The following GNG8 variants were observed in gnomAD, a reference collection of about 807,000 sequenced individuals.
GNG8 encodes guanine nucleotide-binding protein G(I)/G(S)/G(O) subunit gamma-8.
In GNG8, 3 loss-of-function variants were observed where a neutral mutation model predicts 4.6. The observed-to-expected ratio is 0.65, with a 90% CI of 0.29 to 1.67. GNG8 has a LOEUF of 1.67. Among genes scored for constraint, GNG8 ranks in the 40% most tolerant of loss-of-function variants. The probability of loss-of-function intolerance (pLI) is 0.10; values close to 1 mark genes in which losing one functional copy is unlikely to be tolerated. For missense variants in GNG8, 88 were observed against 95.2 expected (o/e 0.92, Z 0.32); for synonymous variants, 32 against 40.5 (o/e 0.79, Z 0.80).
chr19:46,635,865 G>T (rs2052865275), intron 1 of GNG8, among the ~76,000 whole-genome samples: 1 of 148,348 alleles, frequency 6.7e-6, no homozygotes, highest in South Asian at 2.2e-4. Context: ...GAAGGGGGGA[G>T]GGAGGAAGGA....
chr19:46,634,146 G>C lies in GNG8; in HGVS notation c.143C>G (p.Pro48Arg), dbSNP rs779695929. ...AFCETHAKDDPLVTPVPAAEN... is the reference protein window; with the variant it reads ...AFCETHAKDDRLVTPVPAAEN... ...CGCGGCGGGTACTGGCGTCACCAGC[G>C]GGTCATCTTTGGCATGCGTCTCGCA... is the stretch of plus-strand genomic sequence containing the variant. The change falls in exon 3 of 3, where the codon CCG becomes CGG. Residue 48 changes from proline (P) to arginine (R), a missense_variant. Physicochemically the swap from Pro to Arg is moderately radical, Grantham distance 103 (BLOSUM62 -2). Coordinates refer to ENST00000693335, the MANE Select transcript of GNG8 (RefSeq NM_033258.2). The C allele has an allele frequency of 1.2e-6, 2 of 1,613,654 alleles. No homozygotes were observed. Among genetic ancestry groups the C allele is most frequent in the Non-Finnish European group, 1.7e-6 (2 of 1,179,970 alleles).
chr19:46,637,924 G>A (rs1416886043), upstream of GNG8: 1 of 147,872 alleles, frequency 6.8e-6, no homozygotes, highest in Non-Finnish European at 1.5e-5. Flanking sequence ...GCCATACACA[G>A]AGTGGCCAAC....
upstream of GNG8, among the ~76,000 whole-genome samples, chr19:46,636,497 A>T (rs896163801): frequency 3.3e-5 from 5 of 152,142 alleles, no homozygotes; most frequent in Admixed American, 6.5e-5. Context: ...AGTGTGTCCC[A>T]CAGAGCCGCT....
rs1435846088 is a variant in GNG8 at position 46,634,688 on chromosome 19, C to T, written c.-6G>A. On this transcript the variant is annotated 5_prime_UTR_variant, in exon 2 of 3. Coordinates refer to ENST00000693335, the MANE Select transcript of GNG8 (RefSeq NM_033258.2). ...TTGGCCATGTTGTTGGACATGGTTG[C>T]GGCGGGGAAGGGGTTAAAAGACGCG... The T allele has an allele frequency of 6.2e-7, 1 of 1,611,970 alleles. No homozygotes were observed. Among genetic ancestry groups the T allele is most frequent in the East Asian group, 2.2e-5 (1 of 44,832 alleles).
At chr19:46,638,424 C>G (rs2052881959), upstream of GNG8, 1 of 152,972 alleles carries the variant, frequency 6.5e-6, no homozygotes, top group East Asian at 1.9e-4. This position sits in a 1 kb window ranked among gnomAD's most constrained non-coding sequence, Gnocchi z 4.7. Flanking sequence ...TGGCAGTACA[C>G]ACTCATGGTG....
chr19:46,634,754 G>A lies in GNG8; in HGVS notation c.-43-29C>T, dbSNP rs1568686631. 8.6e-6 allele frequency: 11 copies of A among 1,276,060 alleles called. No homozygotes were observed. The Admixed American group carries it at 1.6e-4, about 19-fold the overall frequency. 79.0% of individuals were successfully genotyped at this position (1,276,060 alleles called of 1,614,324 possible). A position where few individuals can be genotyped will look rare whatever the true frequency, so the allele number is the denominator to read the frequency against. On this transcript the variant is annotated intron_variant, in intron 1 of 2. Transcript: ENST00000693335. ...TGGGGGTAGGTTAGGATACGTCTGG[G>A]TCCCGAGGTGGGGGCGAGAGGGCGG... is the stretch of plus-strand genomic sequence containing the variant.
At chr19:46,638,980 TA>T (rs1271210522), upstream of GNG8, 1 of 153,380 alleles carries the variant, frequency 6.5e-6, no homozygotes, top group Non-Finnish European at 1.4e-5. The surrounding 1 kb of genome is among the most constrained non-coding windows in gnomAD (Gnocchi z 4.7). Flanking sequence ...AGGAGCGAGC[TA>T]GGGACTCAGA....
In GNG8 at chr19:46,634,215, C is replaced by A; in HGVS notation, c.85-11G>T. On this transcript the variant is annotated splice_polypyrimidine_tract_variant and intron_variant, in intron 2 of 2. Coordinates refer to ENST00000693335, the MANE Select transcript of GNG8 (RefSeq NM_033258.2). ...TGCTGCCTGCGACACCTGCGAGCAC[C>A]CGGGTGGAGATGTCACCGCCCTGCC... The A allele has an allele frequency of 5.0e-6, 8 of 1,598,340 alleles. No homozygotes were observed. The highest frequency in any genetic ancestry group is 6.8e-6 in the Non-Finnish European group (8 of 1,172,684).
At chr19:46,638,140 G>C (rs1182091590), upstream of GNG8, 1 of 152,764 alleles carries the variant, frequency 6.5e-6, no homozygotes, top group Non-Finnish European at 1.5e-5. This position sits in a 1 kb window ranked among gnomAD's most constrained non-coding sequence, Gnocchi z 4.7. Flanking sequence ...CGTCACACAC[G>C]GTCTCTCACT....
rs1448620352 is a variant in GNG8 at position 46,634,117 on chromosome 19, T to C, written c.172A>G (p.Asn58Asp). 3 of 1,613,818 alleles carry C rather than the reference T, an allele frequency of 1.9e-6. No individual in the cohort carries two copies. In the Admixed American group the frequency reaches 5.0e-5, roughly 27 times the overall value. The change falls in exon 3 of 3, where the codon AAC becomes GAC. Residue 58 changes from asparagine (N) to aspartate (D), a missense_variant. Transcript: ENST00000693335. Reference sequence around the variant, plus strand: ...AAGAGGCGCTTGTCGCGGAAGGGGTTCTCCGCGGCGGGTACTGGCGTCACC... The same window carrying C: ...AAGAGGCGCTTGTCGCGGAAGGGGTCCTCCGCGGCGGGTACTGGCGTCACC... The part of the protein sequence containing the change: ...PLVTPVPAAE[N>D]PFRDKRLFCV...
At chr19:46,634,559 GC>G in intron 2 of GNG8, 39 bp downstream of exon 2, 1 of 1,559,330 alleles carries the variant, frequency 6.4e-7, no homozygotes, top group Non-Finnish European at 8.8e-7. Flanking sequence ...CAGACCGCAG[GC>G]CCAGAACCCC....
At chr19:46,638,559 TACACACTC>T (rs1022803998), upstream of GNG8, 1 of 153,180 alleles carries the variant, frequency 6.5e-6, no homozygotes, top group Non-Finnish European at 1.5e-5. The surrounding 1 kb of genome is among the most constrained non-coding windows in gnomAD (Gnocchi z 4.7). Flanking sequence ...ATCACGGCAG[TACACACTC>T]ACACACTCTC....
upstream of GNG8, among the ~76,000 whole-genome samples, chr19:46,636,359 GTC>G (rs2052869230): frequency 6.6e-6 from 1 of 152,042 alleles, no homozygotes. Flanking sequence ...CTCTCCCTGT[GTC>G]TCTGCCGCTG....
chr19:46,636,405 T>C (rs564266008), upstream of GNG8, among the ~76,000 whole-genome samples: 2 of 152,216 alleles, frequency 1.3e-5, no homozygotes, highest in South Asian at 4.2e-4. Context: ...TGTGCCTCTC[T>C]CACACTCACT....
At chr19:46,634,329 G>T in intron 2 of GNG8, 125 bp from the exon 3 acceptor site, 2 of 1,112,690 alleles carry the variant, frequency 1.8e-6, no homozygotes, top group Non-Finnish European at 2.4e-6. Flanking sequence ...CTTTCCCCTT[G>T]TCTTACTCCG....
chr19:46,638,871 G>A (rs2052884676), upstream of GNG8: 2 of 153,540 alleles, frequency 1.3e-5, no homozygotes, highest in African/African-American at 4.8e-5. This position sits in a 1 kb window ranked among gnomAD's most constrained non-coding sequence, Gnocchi z 4.7. Flanking sequence ...ACCGGAGGGA[G>A]AGGACAGAAG....
rs1308164330 is a variant in GNG8 at position 46,634,661 on chromosome 19, T to A, written c.22A>T (p.Ile8Phe). 6.2e-7 allele frequency: 1 copy of A among 1,612,882 alleles called. No individual in the cohort carries two copies. The highest frequency in any genetic ancestry group is 2.2e-5 in the East Asian group (1 of 44,844). ...TCCACCGTCTTGCGGGCCTCGGCAATCTTGGCCATGTTGTTGGACATGGTT... is the reference window on the plus strand; with the variant it reads ...TCCACCGTCTTGCGGGCCTCGGCAAACTTGGCCATGTTGTTGGACATGGTT... MSNNMAKIAEARKTVEQL... is the reference protein window; with the variant it reads MSNNMAKFAEARKTVEQL... The change falls in exon 2 of 3, where the codon ATT (isoleucine) becomes TTT (phenylalanine). Residue 8 changes from isoleucine to phenylalanine, a missense_variant. Physicochemically the swap from Ile to Phe is conservative, Grantham distance 21. Transcript: ENST00000693335.
upstream of GNG8, among the ~76,000 whole-genome samples, chr19:46,636,578 A>G (rs1037501653): frequency 6.6e-6 from 1 of 152,124 alleles, no homozygotes; most frequent in Admixed American, 6.5e-5. Flanking sequence ...CCTCACACAG[A>G]CAAAAACTAT....
chr19:46,638,189 A>G (rs2052880485), upstream of GNG8: 1 of 152,636 alleles, frequency 6.6e-6, no homozygotes. This position sits in a 1 kb window ranked among gnomAD's most constrained non-coding sequence, Gnocchi z 4.7. Context: ...CAGAGCCCCA[A>G]AGAGTGTCTC....
Sources: gnomAD v4.1 joint callset for allele counts (sites outside exome capture counted in the v4.1 genomes callset) on GRCh38, gnomAD v4.1.1 for gene constraint, Gnocchi (gnomAD v3.1) non-coding constraint, MANE v1.5 for transcripts, NCBI Gene and HGNC (gene_info 2026-07-23, HGNC 2026-07-21) for gene names.